DMRT1: variants seen among roughly 807,000 people sequenced by gnomAD.
DMRT1 encodes doublesex- and mab-3-related transcription factor 1.
Under a neutral mutation model 32.3 loss-of-function variants are expected in DMRT1, and 7 were observed. The observed-to-expected ratio is 0.22, with a 90% CI of 0.12 to 0.41. The LOEUF is 0.41. Ranked by LOEUF, DMRT1 falls within the 10% of genes least tolerant of loss-of-function variation. The probability of loss-of-function intolerance (pLI) is 1.00; values close to 1 mark genes in which losing one functional copy is unlikely to be tolerated. For missense variants in DMRT1, 625 were observed against 500.5 expected (o/e 1.25, Z -2.37); for synonymous variants, 278 against 206.1 (o/e 1.35, Z -2.99).
chr9:868,153 T>C (rs1313087231), intron 2 of DMRT1, among the ~76,000 whole-genome samples: 1 of 152,110 alleles, frequency 6.6e-6, no homozygotes, highest in African/African-American at 2.4e-5. Flanking sequence ...AAGTTTTGTA[T>C]TTTTTTGTAG....
chr9:941,145 T>G (rs1274042031), intron 4 of DMRT1, among the ~76,000 whole-genome samples: 1 of 152,114 alleles, frequency 6.6e-6, no homozygotes, highest in East Asian at 1.9e-4. Context: ...GAACCCAAAT[T>G]ACCACATGAT....
At chr9:872,860 AGCGGGT>A (rs1191112081) in intron 2 of DMRT1, among the ~76,000 whole-genome samples, 1 of 152,182 alleles carries the variant, frequency 6.6e-6, no homozygotes, top group South Asian at 2.1e-4. Flanking sequence ...GTTTTTCAAA[AGCGGGT>A]GCACCGTTTT....
chr9:903,917 C>T (rs936999114), intron 3 of DMRT1, among the ~76,000 whole-genome samples: 3 of 152,164 alleles, frequency 2.0e-5, no homozygotes, highest in African/African-American at 7.2e-5. Context: ...TTTCAGCAAC[C>T]TTCGGAAGAC....
chr9:861,721 G>C (rs986327951), intron 2 of DMRT1, among the ~76,000 whole-genome samples: 1 of 148,796 alleles, frequency 6.7e-6, no homozygotes, highest in Non-Finnish European at 1.5e-5. Flanking sequence ...GCGGCTGGCC[G>C]GGCAGGGGCT....
intron 2 of DMRT1, among the ~76,000 whole-genome samples, chr9:889,091 G>T (rs1251138174): frequency 6.6e-6 from 1 of 152,108 alleles, no homozygotes; most frequent in Non-Finnish European, 1.5e-5. Context: ...ACGTTCCCAG[G>T]TAATGCTGAT....
chr9:845,584 C>T (rs1015173665), intron 1 of DMRT1, among the ~76,000 whole-genome samples: 7 of 152,140 alleles, frequency 4.6e-5, no homozygotes, highest in Admixed American at 4.6e-4. Context: ...TTTCCAGTCC[C>T]CAGTTCTGGC....
chr9:878,425 C>T (rs1447113048), intron 2 of DMRT1, among the ~76,000 whole-genome samples: 8 of 152,042 alleles, frequency 5.3e-5, no homozygotes, highest in Non-Finnish European at 1.0e-4. Flanking sequence ...GCTTTCCTGG[C>T]GCCAGGTTTG....
intron 2 of DMRT1, among the ~76,000 whole-genome samples, chr9:847,819 C>A (rs1190872211): frequency 6.6e-6 from 1 of 152,176 alleles, no homozygotes; most frequent in African/African-American, 2.4e-5. Flanking sequence ...AGCCCCTAGC[C>A]ACATGTGGCT....
At chr9:920,474 G>C (rs936213254) in intron 4 of DMRT1, among the ~76,000 whole-genome samples, 1 of 152,190 alleles carries the variant, frequency 6.6e-6, no homozygotes, top group Non-Finnish European at 1.5e-5. Flanking sequence ...GCTGTTGCAA[G>C]GTGGAAATGA....
chr9:857,596 G>T (rs1027808053), intron 2 of DMRT1, among the ~76,000 whole-genome samples: 1 of 152,022 alleles, frequency 6.6e-6, no homozygotes, highest in Non-Finnish European at 1.5e-5. Context: ...CCTAAAACTT[G>T]GCAGGAATAG....
intron 4 of DMRT1, among the ~76,000 whole-genome samples, chr9:917,844 A>G (rs1400138673): frequency 6.6e-6 from 1 of 152,214 alleles, no homozygotes; most frequent in Non-Finnish European, 1.5e-5. Flanking sequence ...AAGGACTTCT[A>G]TTAATATGAA....
intron 4 of DMRT1, among the ~76,000 whole-genome samples, chr9:923,105 C>A (rs1028884068): frequency 1.3e-5 from 2 of 152,194 alleles, no homozygotes; most frequent in African/African-American, 4.8e-5. Context: ...GGACTGCATG[C>A]AAAATGGGTA....
At chr9:936,947 G>GT (rs538554502) in intron 4 of DMRT1, among the ~76,000 whole-genome samples, 136 of 152,152 alleles carry the variant, frequency 8.9e-4, no homozygotes, top group African/African-American at 3.1e-3. Flanking sequence ...TTTGCAGAAT[G>GT]TTTTTTTATC....
intron 2 of DMRT1, among the ~76,000 whole-genome samples, chr9:880,724 C>CAAAAAAAAAA (rs754419367): frequency 1.5e-4 from 9 of 62,024 alleles, no homozygotes; most frequent in Admixed American, 3.5e-4. Flanking sequence ...AACTCAGTCT[C>CAAAAAAAAAA]AAAAAAAAAA....
chr9:930,486 A>G (rs933606529), intron 4 of DMRT1, among the ~76,000 whole-genome samples: 1 of 151,496 alleles, frequency 6.6e-6, no homozygotes, highest in Non-Finnish European at 1.5e-5. Flanking sequence ...ATCTCGGCTC[A>G]CTGCAAGCTC....
At chr9:921,607 A>G (rs1016818860) in intron 4 of DMRT1, among the ~76,000 whole-genome samples, 3 of 152,204 alleles carry the variant, frequency 2.0e-5, no homozygotes, top group Non-Finnish European at 2.9e-5. Context: ...TATTCTTACC[A>G]TAGTATATGA....
chr9:922,270 A>T (rs1269266329), intron 4 of DMRT1, among the ~76,000 whole-genome samples: 3 of 152,104 alleles, frequency 2.0e-5, no homozygotes, highest in Non-Finnish European at 4.4e-5. Flanking sequence ...GAAAAAAAAA[A>T]GTTTAAAGCA....
intron 2 of DMRT1, 98 bp downstream of exon 2, chr9:847,241 G>A (rs1293987653): frequency 5.4e-6 from 7 of 1,287,520 alleles, no homozygotes; most frequent in Non-Finnish European, 6.5e-6. Context: ...TACATACAGT[G>A]TTTAGAGCTT....
At chr9:964,506 T>C (rs911707265) in intron 4 of DMRT1, among the ~76,000 whole-genome samples, 1 of 152,204 alleles carries the variant, frequency 6.6e-6, no homozygotes, top group African/African-American at 2.4e-5. Context: ...TTTTCCTTTT[T>C]TCTTTTCCTT....
Sources: allele counts gnomAD v4.1 joint callset (sites outside exome capture counted in the v4.1 genomes callset), GRCh38; gene constraint gnomAD v4.1.1; transcripts MANE v1.5; gene names NCBI Gene and HGNC (gene_info 2026-07-23, HGNC 2026-07-21).